Variants in ACSL1 observed in about 807,000 individuals in gnomAD.
The protein encoded by ACSL1 is acyl-CoA synthetase long chain family member 1, also known as long-chain-fatty-acid--CoA ligase 1.
ACSL1 carries 41 observed loss-of-function variants against 98.4 expected under a neutral mutation model. The observed-to-expected ratio is 0.42, with a 90% CI of 0.32 to 0.54. The LOEUF (loss-of-function observed/expected upper bound fraction) is 0.54, where lower values mean the gene tolerates loss of function less well. ACSL1 is among the 20% of genes least tolerant of loss of function. The pLI is 0.13. For missense variants in ACSL1, 734 were observed against 883.1 expected, an observed-to-expected ratio of 0.83 and a Z score of 2.14; for synonymous variants, 316 against 322.7, an observed-to-expected ratio of 0.98 and a Z score of 0.22.
In ACSL1 at chr4:184,776,260, T is replaced by G. The variant is rs142183027; in HGVS notation, c.756+224A>C. Among the ~76,000 whole-genome samples, 40 of 152,314 alleles carry G rather than the reference T, an allele frequency of 2.6e-4. No homozygotes were observed. The East Asian group carries it at 6.2e-3, about 23-fold the overall frequency. The stretch of plus-strand genomic sequence containing the variant: ...CAGTGCTCTGGAATAAATATTGGAG[T>G]GCTGAAAGCACTTGGGTAAGGTGTG... On this transcript the variant is annotated intron_variant, in intron 7 of 20. Coordinates refer to ENST00000281455, the MANE Select transcript of ACSL1 (RefSeq NM_001995.5).
At chr4:184,774,017 G>A in intron 7 of ACSL1, 142 bp from the exon 8 acceptor site, 1 of 901,484 alleles carries the variant, frequency 1.1e-6, no homozygotes, top group Admixed American at 2.7e-5. Context: ...TCTAATTAAA[G>A]AAACTATGGC....
At chr4:184,813,057 T>C (rs1772281551) in intron 1 of ACSL1, among the ~76,000 whole-genome samples, 1 of 151,936 alleles carries the variant, frequency 6.6e-6, no homozygotes, top group Admixed American at 6.6e-5. Context: ...ACAAAACATA[T>C]AGCTCTCCTC....
chr4:184,798,902 A>T (rs935487301), intron 2 of ACSL1: 2 of 152,294 alleles, frequency 1.3e-5, no homozygotes, highest in African/African-American at 4.8e-5. Flanking sequence ...CTCCTTCAGC[A>T]ATTACAAAGG....
intron 3 of ACSL1, among the ~76,000 whole-genome samples, chr4:184,787,796 G>A (rs1394430544): frequency 6.6e-6 from 1 of 151,550 alleles, no homozygotes; most frequent in African/African-American, 2.4e-5. Context: ...CCCAGGAGGT[G>A]TAGGCTGCGG....
intron 14 of ACSL1, among the ~76,000 whole-genome samples, chr4:184,765,593 C>A (rs1394408470): frequency 5.3e-5 from 8 of 152,040 alleles, no homozygotes; most frequent in Admixed American, 4.6e-4. Flanking sequence ...GTGACTAGAG[C>A]TAACAACAAT....
chr4:184,757,438 C>T lies in ACSL1; in HGVS notation c.1957-173G>A, dbSNP rs1032518303. 2.6e-5 allele frequency among the ~76,000 whole-genome samples: 4 copies of T among 152,130 alleles called. No individual in the cohort carries two copies. Among genetic ancestry groups the T allele is most frequent in the Non-Finnish European group, 4.4e-5 (3 of 68,014 alleles). Reference sequence around the variant, plus strand: ...GGCATCCTATTCTTAGGATAGGATTCGGGATCATATTCTGATATCCAGGAA... The same window carrying T: ...GGCATCCTATTCTTAGGATAGGATTTGGGATCATATTCTGATATCCAGGAA... On this transcript the variant is annotated intron_variant, in intron 20 of 20. Transcript: ENST00000281455. The surrounding 1 kb of genome is among the most constrained non-coding windows in gnomAD (Gnocchi z 4.5).
chr4:184,816,344 T>C (rs1268700184), intron 1 of ACSL1, among the ~76,000 whole-genome samples: 1 of 152,086 alleles, frequency 6.6e-6, no homozygotes, highest in Non-Finnish European at 1.5e-5. Context: ...AGAGAGGTAC[T>C]GGTGACAACC....
At chr4:184,824,251 G>C (rs1381627001) in intron 1 of ACSL1, among the ~76,000 whole-genome samples, 1 of 152,024 alleles carries the variant, frequency 6.6e-6, no homozygotes, top group Non-Finnish European at 1.5e-5. Flanking sequence ...TCAGCCTCTC[G>C]AGTAGCTGGG....
chr4:184,776,687 G>T, intron 6 of ACSL1, 25 bp from the exon 7 acceptor site: 6 of 1,601,098 alleles, frequency 3.7e-6, no homozygotes, highest in Non-Finnish European at 5.1e-6. Flanking sequence ...ATACAATGAA[G>T]AATAAGCTCT....
In ACSL1 at chr4:184,766,134, G is replaced by A. The variant is rs1052469462; in HGVS notation, c.1264-148C>T. 1 of 704,922 alleles carries A rather than the reference G, an allele frequency of 1.4e-6. No individual in the cohort carries two copies. The highest frequency in any genetic ancestry group is 2.4e-6 in the Non-Finnish European group (1 of 416,020). 43.7% of individuals were successfully genotyped at this position (704,922 alleles called of 1,614,324 possible). ...CACACGGAGAACTCACAGCCCTCATGATGGCAGCACAGGGCTACGGTTTGT... is the reference window on the plus strand; with the variant it reads ...CACACGGAGAACTCACAGCCCTCATAATGGCAGCACAGGGCTACGGTTTGT... On this transcript the variant is annotated intron_variant, in intron 13 of 20. Coordinates refer to ENST00000281455, the MANE Select transcript of ACSL1 (RefSeq NM_001995.5). The surrounding 1 kb of genome is among the most constrained non-coding windows in gnomAD (Gnocchi z 4.8).
intron 7 of ACSL1, among the ~76,000 whole-genome samples, chr4:184,774,648 ATT>A (rs1385812930): frequency 6.6e-6 from 1 of 152,094 alleles, no homozygotes; most frequent in African/African-American, 2.4e-5. Flanking sequence ...CAAATGAACT[ATT>A]TATATTCTTT....
intron 16 of ACSL1, 149 bp from the exon 17 acceptor site, chr4:184,762,672 C>A: frequency 1.5e-6 from 1 of 686,324 alleles, no homozygotes; most frequent in South Asian, 1.8e-5. Flanking sequence ...CAGAGCCCCA[C>A]CAGGGTCTGC....
At chr4:184,769,701 G>A (rs2150307351) in intron 11 of ACSL1, among the ~76,000 whole-genome samples, 1 of 152,332 alleles carries the variant, frequency 6.6e-6, no homozygotes. Flanking sequence ...AGTCACCTCT[G>A]TCTCCAACAC....
intron 1 of ACSL1, among the ~76,000 whole-genome samples, chr4:184,820,680 C>A (rs972535453): frequency 2.6e-5 from 4 of 152,170 alleles, no homozygotes. Context: ...TCTTGGCTCA[C>A]TGCAGCCTCC....
intron 2 of ACSL1, among the ~76,000 whole-genome samples, chr4:184,795,953 TGG>T (rs1251804772): frequency 6.6e-6 from 1 of 152,260 alleles, no homozygotes; most frequent in Non-Finnish European, 1.5e-5. Flanking sequence ...CCAGCTATGC[TGG>T]TTAATACTGA....
chr4:184,803,719 A>G lies in ACSL1; in HGVS notation c.-32-173T>C, dbSNP rs772300693. On this transcript the variant is annotated intron_variant, in intron 1 of 20. Coordinates refer to ENST00000281455, the MANE Select transcript of ACSL1 (RefSeq NM_001995.5). The surrounding 1 kb of genome is among the most constrained non-coding windows in gnomAD (Gnocchi z 4.8). ...CTGGCTGTCAAGTGTCATTTTTCTAAAAACACTTTAGGATTTCATTTTCAT... is the reference window on the plus strand; with the variant it reads ...CTGGCTGTCAAGTGTCATTTTTCTAGAAACACTTTAGGATTTCATTTTCAT... Among the ~76,000 whole-genome samples, 1 of 152,148 alleles carries G rather than the reference A, an allele frequency of 6.6e-6. No individual in the cohort carries two copies. The highest frequency in any genetic ancestry group is 1.5e-5 in the Non-Finnish European group (1 of 68,034).
intron 11 of ACSL1, among the ~76,000 whole-genome samples, chr4:184,768,912 A>G (rs1156416578): frequency 6.6e-6 from 1 of 151,990 alleles, no homozygotes; most frequent in Non-Finnish European, 1.5e-5. Flanking sequence ...TCTCTACTAA[A>G]ACAAAAATTA....
At chr4:184,821,777 A>G (rs1773087293) in intron 1 of ACSL1, among the ~76,000 whole-genome samples, 1 of 152,254 alleles carries the variant, frequency 6.6e-6, no homozygotes, top group African/African-American at 2.4e-5. Context: ...TTTGAAGAAT[A>G]TGTAACAACG....
chr4:184,799,860 A>G (rs1052870181), intron 2 of ACSL1, among the ~76,000 whole-genome samples: 1 of 152,102 alleles, frequency 6.6e-6, no homozygotes, highest in Admixed American at 6.5e-5. Context: ...AAATAAATAA[A>G]CAAACAAACA....
Sources: gnomAD v4.1 joint callset for allele counts (sites outside exome capture counted in the v4.1 genomes callset) on GRCh38, gnomAD v4.1.1 for gene constraint, Gnocchi (gnomAD v3.1) non-coding constraint, MANE v1.5 for transcripts, NCBI Gene and HGNC (gene_info 2026-07-23, HGNC 2026-07-21) for gene names.